Variants in VTA1 observed in about 807,000 individuals in gnomAD.
VTA1 encodes the protein vesicle trafficking 1, also known as vacuolar protein sorting-associated protein VTA1 homolog.
Under a neutral mutation model 36.9 loss-of-function variants are expected in VTA1, and 24 were observed. The observed-to-expected ratio is 0.65, with a 90% CI of 0.47 to 0.91. The LOEUF is 0.91. VTA1 is among the 40% of genes least tolerant of loss of function. VTA1 has a pLI of 0.00. For synonymous variants in VTA1, 142 were observed against 130.2 expected (o/e 1.09, Z -0.62); for missense variants, 393 against 377.2 (o/e 1.04, Z -0.35).
intron 7 of VTA1, among the ~76,000 whole-genome samples, chr6:142,215,366 G>T (rs1447778410): frequency 6.6e-6 from 1 of 151,970 alleles, no homozygotes; most frequent in South Asian, 2.1e-4. Flanking sequence ...GCATGAACCC[G>T]GGAGGTGAAG....
chr6:142,173,504 C>T lies in VTA1; in HGVS notation c.411+3083C>T, dbSNP rs887400652. Among the ~76,000 whole-genome samples the T allele has an allele frequency of 7.9e-5, 12 of 152,162 alleles. 1 individual carries two copies. The highest frequency in any genetic ancestry group is 2.7e-4 in the African/African-American group (11 of 41,450). ...CAGGATGGTCTTGATCTCCTGATCTCGTGATCTGCCCTCTCCTAGTTCTTA... is the reference window on the plus strand; with the variant it reads ...CAGGATGGTCTTGATCTCCTGATCTTGTGATCTGCCCTCTCCTAGTTCTTA... On this transcript the variant is annotated intron_variant, in intron 4 of 7. Transcript: ENST00000367630.
chr6:142,187,732 G>C (rs1775366095), intron 4 of VTA1, among the ~76,000 whole-genome samples: 1 of 152,010 alleles, frequency 6.6e-6, no homozygotes, highest in Non-Finnish European at 1.5e-5. Flanking sequence ...GTTTGATAAG[G>C]AAATGTGATA....
At position 142,222,796 on chromosome 6, in the gene VTA1, C is replaced by A. The variant is rs1426955963; in HGVS notation, c.*4153C>A. The A allele has an allele frequency of 2.0e-5, 3 of 152,132 alleles. No individual in the cohort carries two copies. Among genetic ancestry groups the A allele is most frequent in the Admixed American group, 2.0e-4 (3 of 15,284 alleles). The allele number at this position is 152,132 out of a possible 1,614,324, so 9.4% of individuals were successfully genotyped here. A position where few individuals can be genotyped will look rare whatever the true frequency, so the allele number is the denominator to read the frequency against. On this transcript the variant is annotated 3_prime_UTR_variant, in exon 8 of 8. Transcript: ENST00000367630. Reference sequence around the variant, plus strand: ...AAGTAAGCAACACTTCAATAATAATCATAATAGCTAACATTTCAATGTTTA... The same window carrying A: ...AAGTAAGCAACACTTCAATAATAATAATAATAGCTAACATTTCAATGTTTA...
rs983680734 is a variant in VTA1 at position 142,221,054 on chromosome 6, C to T, written c.*2411C>T. The T allele has an allele frequency of 1.3e-5, 2 of 152,174 alleles. No individual in the cohort carries two copies. Among genetic ancestry groups the T allele is most frequent in the Non-Finnish European group, 2.9e-5 (2 of 68,048 alleles). 9.4% of individuals were successfully genotyped at this position (152,174 alleles called of 1,614,324 possible). ...TCCCAGCCTTCTGAGTTTTAAGAGACACTTAAGGTGGTCCCTAAAGTTCGA... is the reference window on the plus strand; with the variant it reads ...TCCCAGCCTTCTGAGTTTTAAGAGATACTTAAGGTGGTCCCTAAAGTTCGA... On this transcript the variant is annotated 3_prime_UTR_variant, in exon 8 of 8. Coordinates refer to ENST00000367630, the MANE Select transcript of VTA1 (RefSeq NM_016485.5).
At chr6:142,163,845 T>C (rs1421544951) in intron 1 of VTA1, among the ~76,000 whole-genome samples, 1 of 152,202 alleles carries the variant, frequency 6.6e-6, no homozygotes, top group African/African-American at 2.4e-5. Flanking sequence ...CAATATGTTA[T>C]GTAAATTATT....
rs1269945716 is a variant in VTA1, at chr6:142,223,041, C to T, written c.*4398C>T. On this transcript the variant is annotated 3_prime_UTR_variant, in exon 8 of 8. Transcript: ENST00000367630. ...ATCCATGTCAGTAAGTCACCTGTTA[C>T]ATTGTAAGTACAATGAGATGTTATG... 6.6e-6 allele frequency: 1 copy of T among 152,168 alleles called. No individual in the cohort carries two copies. Among genetic ancestry groups the T allele is most frequent in the African/African-American group, 2.4e-5 (1 of 41,430 alleles). The allele number at this position is 152,168 out of a possible 1,614,324, so 9.4% of individuals were successfully genotyped here. A position where few individuals can be genotyped will look rare whatever the true frequency, so the allele number is the denominator to read the frequency against.
chr6:142,181,825 T>G (rs1168686064), intron 4 of VTA1, among the ~76,000 whole-genome samples: 1 of 152,212 alleles, frequency 6.6e-6, no homozygotes, highest in African/African-American at 2.4e-5. Context: ...CTCTCCCTTT[T>G]AAAAACTTGT....
chr6:142,194,117 G>GC (rs1775501989), intron 5 of VTA1, among the ~76,000 whole-genome samples: 1 of 152,116 alleles, frequency 6.6e-6, no homozygotes, highest in African/African-American at 2.4e-5. Flanking sequence ...GTTGCATCTA[G>GC]CCACTCCTAC....
chr6:142,179,184 A>T (rs980665024), intron 4 of VTA1, among the ~76,000 whole-genome samples: 12 of 152,148 alleles, frequency 7.9e-5, no homozygotes, highest in Non-Finnish European at 1.2e-4. Context: ...TAATTTTTTT[A>T]AATCAATAAA....
chr6:142,149,151 T>C (rs911136401), intron 1 of VTA1, among the ~76,000 whole-genome samples: 1 of 152,196 alleles, frequency 6.6e-6, no homozygotes, highest in African/African-American at 2.4e-5. Context: ...GCCTTATAGG[T>C]AAGTTTGAAA....
At chr6:142,181,697 G>C (rs1280973280) in intron 4 of VTA1, among the ~76,000 whole-genome samples, 1 of 151,442 alleles carries the variant, frequency 6.6e-6, no homozygotes, top group Non-Finnish European at 1.5e-5. Context: ...ACCTTGTTTG[G>C]AAATCTTTTG....
At chr6:142,192,471 G>A (rs1387965357) in intron 5 of VTA1, among the ~76,000 whole-genome samples, 1 of 152,048 alleles carries the variant, frequency 6.6e-6, no homozygotes, top group Non-Finnish European at 1.5e-5. Context: ...AAGAACAGTA[G>A]ATCATTGAAA....
chr6:142,167,562 G>A (rs993935816), intron 2 of VTA1, among the ~76,000 whole-genome samples: 1 of 152,146 alleles, frequency 6.6e-6, no homozygotes, highest in Non-Finnish European at 1.5e-5. Context: ...TTTATGTATT[G>A]TTAGGAGGTT....
At chr6:142,167,198 A>G (rs1352148996) in intron 2 of VTA1, among the ~76,000 whole-genome samples, 1 of 152,170 alleles carries the variant, frequency 6.6e-6, no homozygotes, top group East Asian at 1.9e-4. Flanking sequence ...AGATCACTGT[A>G]GAGGTACTTT....
intron 5 of VTA1, among the ~76,000 whole-genome samples, chr6:142,194,364 GAATT>G (rs1775506951): frequency 6.6e-6 from 1 of 152,070 alleles, no homozygotes; most frequent in Admixed American, 6.5e-5. Flanking sequence ...AACTTAGGGA[GAATT>G]AATTGTCTTT....
At chr6:142,180,898 G>A (rs528451164) in intron 4 of VTA1, among the ~76,000 whole-genome samples, 1 of 151,342 alleles carries the variant, frequency 6.6e-6, no homozygotes, top group East Asian at 1.9e-4. Context: ...ATTAGATCTG[G>A]GCCTGGGGGG....
chr6:142,172,637 C>T (rs1434207719), intron 4 of VTA1, among the ~76,000 whole-genome samples: 1 of 152,170 alleles, frequency 6.6e-6, no homozygotes, highest in Non-Finnish European at 1.5e-5. Flanking sequence ...TACCTCATCT[C>T]CTGTTATTAA....
intron 7 of VTA1, among the ~76,000 whole-genome samples, chr6:142,209,650 G>A (rs979471181): frequency 5.3e-5 from 8 of 150,544 alleles, no homozygotes; most frequent in Non-Finnish European, 1.0e-4. Context: ...CCTGGGAACC[G>A]ATCTAACTAA....
At chr6:142,149,845 C>G (rs1051546400) in intron 1 of VTA1, among the ~76,000 whole-genome samples, 7 of 152,032 alleles carry the variant, frequency 4.6e-5, no homozygotes, top group African/African-American at 7.2e-5. Context: ...AAAATTTTCT[C>G]TACTATTATT....
Sources: allele counts gnomAD v4.1 joint callset (sites outside exome capture counted in the v4.1 genomes callset), GRCh38; gene constraint gnomAD v4.1.1; transcripts MANE v1.5; gene names NCBI Gene and HGNC (gene_info 2026-07-23, HGNC 2026-07-21).